The following RASGRP3 variants were observed in gnomAD, a reference collection of about 807,000 sequenced individuals.
The protein encoded by RASGRP3 is ras guanyl-releasing protein 3.
RASGRP3 carries 54 observed loss-of-function variants against 82.7 expected under a neutral mutation model. That is an observed-to-expected ratio of 0.65 (90% confidence interval 0.52 to 0.82). The LOEUF (loss-of-function observed/expected upper bound fraction) is 0.82. Among genes scored for constraint, RASGRP3 ranks in the 40% least tolerant of loss-of-function variants. The pLI, the probability that RASGRP3 is intolerant of heterozygous loss-of-function variation, is 0.00. For missense variants in RASGRP3, 861 were observed against 828.9 expected (o/e 1.04, Z -0.48); for synonymous variants, 309 against 300.5 (o/e 1.03, Z -0.29).
At chr2:33,537,726 A>T (rs777216168) in intron 11 of RASGRP3, among the ~76,000 whole-genome samples, 4 of 152,198 alleles carry the variant, frequency 2.6e-5, no homozygotes, top group Non-Finnish European at 4.4e-5. Flanking sequence ...ACCAGCAAAA[A>T]TGTTGACATT....
intron 1 of RASGRP3, chr2:33,481,507 A>C (rs771358707): frequency 1.3e-5 from 2 of 152,040 alleles, no homozygotes; most frequent in Admixed American, 1.3e-4. Flanking sequence ...CTATTTCATG[A>C]CCATGCACTT....
intron 1 of RASGRP3, among the ~76,000 whole-genome samples, chr2:33,509,323 G>T (rs1670707151): frequency 6.6e-6 from 1 of 151,972 alleles, no homozygotes; most frequent in Admixed American, 6.6e-5. Context: ...AATCACTTGA[G>T]CCTGGGAGGC....
At chr2:33,539,463 T>G in intron 12 of RASGRP3, 1 of 344,648 alleles carries the variant, frequency 2.9e-6, no homozygotes. Flanking sequence ...TCACAGGCAT[T>G]TGCCACCTCT....
At chr2:33,540,555 T>G (rs201198298) in intron 12 of RASGRP3, among the ~76,000 whole-genome samples, 1,555 of 15,936 alleles carry the variant, frequency 0.098, 90 homozygotes, top group African/African-American at 0.33. Flanking sequence ...GTGTGTGTGT[T>G]TTGTGTGTGT....
chr2:33,504,670 G>A (rs1213187212), intron 1 of RASGRP3, among the ~76,000 whole-genome samples: 1 of 152,196 alleles, frequency 6.6e-6, no homozygotes, highest in Non-Finnish European at 1.5e-5. Flanking sequence ...AGTGATGGTA[G>A]TTTAGGAGAG....
intron 13 of RASGRP3, among the ~76,000 whole-genome samples, chr2:33,547,616 C>T (rs1480107836): frequency 6.6e-6 from 1 of 151,964 alleles, no homozygotes; most frequent in East Asian, 1.9e-4. Flanking sequence ...GTCAAAGATG[C>T]AGTGCAAAAA....
At chr2:33,487,846 T>A (rs1447289416) in intron 1 of RASGRP3, among the ~76,000 whole-genome samples, 2 of 152,232 alleles carry the variant, frequency 1.3e-5, no homozygotes, top group Non-Finnish European at 2.9e-5. Flanking sequence ...ATGCTTGTAA[T>A]TCTAGCGCTT....
At chr2:33,499,763 C>CAA (rs34878885) in intron 1 of RASGRP3, among the ~76,000 whole-genome samples, 19 of 123,908 alleles carry the variant, frequency 1.5e-4, no homozygotes, top group African/African-American at 4.9e-4. Flanking sequence ...ATATCAAATC[C>CAA]AAAAAAAAAA....
At chr2:33,523,723 A>G (rs554911137) in intron 7 of RASGRP3, among the ~76,000 whole-genome samples, 156 bp from the exon 8 acceptor site, 5 of 152,354 alleles carry the variant, frequency 3.3e-5, no homozygotes, top group Admixed American at 3.3e-4. Context: ...TTAAAGACAC[A>G]TGTATATTCA....
intron 1 of RASGRP3, among the ~76,000 whole-genome samples, chr2:33,446,865 C>A (rs1305263598): frequency 6.6e-6 from 1 of 151,860 alleles, no homozygotes; most frequent in African/African-American, 2.4e-5. Flanking sequence ...AGGACTGGGC[C>A]GGGTGCGGTG....
At chr2:33,519,208 C>G (rs182753368) in intron 4 of RASGRP3, among the ~76,000 whole-genome samples, 2 of 152,320 alleles carry the variant, frequency 1.3e-5, no homozygotes, top group African/African-American at 4.8e-5. Flanking sequence ...TTCAATCCCA[C>G]TATAATCTTA....
intron 14 of RASGRP3, among the ~76,000 whole-genome samples, chr2:33,550,573 T>C (rs1274039863): frequency 2.0e-5 from 3 of 152,134 alleles, no homozygotes; most frequent in East Asian, 1.9e-4. Flanking sequence ...CAGTTGATAA[T>C]CCAAGTTAAA....
At chr2:33,447,799 C>T (rs1475126956) in intron 1 of RASGRP3, 2 of 152,222 alleles carry the variant, frequency 1.3e-5, no homozygotes, top group Admixed American at 1.3e-4. Flanking sequence ...AATGTCTTCT[C>T]TCAATTTCTT....
intron 1 of RASGRP3, among the ~76,000 whole-genome samples, chr2:33,443,473 T>A (rs1665336606): frequency 6.6e-6 from 1 of 152,148 alleles, no homozygotes; most frequent in Non-Finnish European, 1.5e-5. Context: ...TGTGGGCTGT[T>A]ACATCACTCC....
chr2:33,461,172 T>A (rs1285827856), intron 2 of RASGRP3, among the ~76,000 whole-genome samples: 3 of 152,266 alleles, frequency 2.0e-5, no homozygotes, highest in African/African-American at 7.2e-5. Context: ...CCTAAACTTA[T>A]CTATTACTTT....
rs747642159 is a variant in RASGRP3, at chr2:33,505,299, ATTT to A, written c.-260-6397_-260-6395del. 1.4e-4 allele frequency among the ~76,000 whole-genome samples: 20 copies of A among 142,762 alleles called. 2 individuals carry two copies. Among genetic ancestry groups the A allele is most frequent in the African/African-American group, 4.8e-4 (19 of 39,450 alleles). The allele number at this position is 142,762 out of a possible 152,430, so 93.7% of individuals were successfully genotyped here. Reference sequence around the variant, plus strand: ...CCAGAGCATTAGGACCGCAGACAGGATTTTTTTTTTTTTTTTCTTTGAGATGGA... The same window carrying A: ...CCAGAGCATTAGGACCGCAGACAGGATTTTTTTTTTTTTCTTTGAGATGGA... On this transcript the variant is annotated intron_variant, in intron 1 of 17. Coordinates refer to ENST00000403687, the MANE Select transcript of RASGRP3 (RefSeq NM_001139488.2).
At chr2:33,441,858 C>T (rs561323590) in intron 1 of RASGRP3, among the ~76,000 whole-genome samples, 20 of 152,130 alleles carry the variant, frequency 1.3e-4, no homozygotes, top group African/African-American at 4.6e-4. Flanking sequence ...GACAATAATG[C>T]GTGTGTAAAA....
intron 7 of RASGRP3, among the ~76,000 whole-genome samples, chr2:33,522,503 T>C (rs914011214): frequency 6.6e-6 from 1 of 152,202 alleles, no homozygotes; most frequent in Non-Finnish European, 1.5e-5. Context: ...TGGGTATAGG[T>C]TGAAAATAGG....
chr2:33,562,832 T>C lies in RASGRP3; in HGVS notation c.*95T>C. ...AAGCTCTGACTCTCAGGAAGTTATC[T>C]GGAAAGATACCTGGATGTTTACTGC... On this transcript the variant is annotated 3_prime_UTR_variant, in exon 18 of 18. Transcript: ENST00000403687. The C allele has an allele frequency of 6.7e-7, 1 of 1,483,144 alleles. No individual in the cohort carries two copies. The highest frequency in any genetic ancestry group is 1.4e-5 in the African/African-American group (1 of 72,240). 91.9% of individuals were successfully genotyped at this position (1,483,144 alleles called of 1,614,324 possible). A position where few individuals can be genotyped will look rare whatever the true frequency, so the allele number is the denominator to read the frequency against.
Sources: allele counts gnomAD v4.1 joint callset (sites outside exome capture counted in the v4.1 genomes callset), GRCh38; gene constraint gnomAD v4.1.1; transcripts MANE v1.5; gene names NCBI Gene and HGNC (gene_info 2026-07-23, HGNC 2026-07-21).